CCSER1: variants seen among roughly 807,000 people sequenced by gnomAD.
CCSER1 encodes serine-rich coiled-coil domain-containing protein 1.
CCSER1 carries 41 observed loss-of-function variants against 82.0 expected under a neutral mutation model. The observed-to-expected ratio is 0.50, with a 90% CI of 0.39 to 0.65. The LOEUF (loss-of-function observed/expected upper bound fraction) is 0.65, where lower values mean the gene tolerates loss of function less well. Among genes scored for constraint, CCSER1 ranks in the 30% least tolerant of loss-of-function variants. The probability of loss-of-function intolerance (pLI) is 0.00; values close to 1 mark genes in which losing one functional copy is unlikely to be tolerated. For synonymous variants in CCSER1, 414 were observed against 383.9 expected, an observed-to-expected ratio of 1.08 and a Z score of -0.92; for missense variants, 1,119 against 1,064.2, an observed-to-expected ratio of 1.05 and a Z score of -0.72.
chr4:90,496,971 C>CAAAAAA (rs771281710), intron 5 of CCSER1, among the ~76,000 whole-genome samples: 429 of 54,374 alleles, frequency 7.9e-3, no homozygotes, highest in Non-Finnish European at 9.9e-3. Flanking sequence ...AGCGAGACTA[C>CAAAAAA]AAAAAAAAAA....
intron 7 of CCSER1, chr4:90,727,380 G>T (rs1301913317): frequency 4.6e-6 from 2 of 439,060 alleles, no homozygotes; most frequent in Non-Finnish European, 4.6e-6. Flanking sequence ...TCTGATAAAA[G>T]ACAGTGGATT....
At chr4:90,852,830 A>G (rs1561250314) in intron 8 of CCSER1, among the ~76,000 whole-genome samples, 2 of 152,318 alleles carry the variant, frequency 1.3e-5, no homozygotes, top group South Asian at 2.1e-4. Flanking sequence ...AGAAACATAT[A>G]AAAGTTTTTG....
chr4:91,256,586 C>T (rs906726932), intron 10 of CCSER1, among the ~76,000 whole-genome samples: 8 of 152,084 alleles, frequency 5.3e-5, no homozygotes, highest in Non-Finnish European at 1.2e-4. Context: ...CTTTTTTAGT[C>T]TTTCCCTTTA....
At chr4:90,452,667 G>T (rs1761619019) in intron 4 of CCSER1, among the ~76,000 whole-genome samples, 2 of 152,194 alleles carry the variant, frequency 1.3e-5, no homozygotes, top group African/African-American at 4.8e-5. Context: ...AAGTCTAAGG[G>T]CTGGTACCTC....
At chr4:91,032,504 G>A (rs1410611921) in intron 9 of CCSER1, among the ~76,000 whole-genome samples, 3 of 152,160 alleles carry the variant, frequency 2.0e-5, no homozygotes, top group African/African-American at 4.8e-5. Flanking sequence ...TCCTGACTTT[G>A]AAAAGCAAGA....
intron 6 of CCSER1, among the ~76,000 whole-genome samples, chr4:90,650,218 AAAACAAAC>A (rs10593067): frequency 4.6e-5 from 7 of 151,672 alleles, no homozygotes; most frequent in South Asian, 2.1e-4. Context: ...CTCCGTCTCA[AAAACAAAC>A]AAACAAACAA....
chr4:91,378,238 T>C (rs1384855428), intron 10 of CCSER1, among the ~76,000 whole-genome samples: 1 of 152,190 alleles, frequency 6.6e-6, no homozygotes, highest in Non-Finnish European at 1.5e-5. Context: ...TGCAGGCTCT[T>C]TTGTGGTTCC....
chr4:91,473,973 G>A (rs922953987), intron 10 of CCSER1, among the ~76,000 whole-genome samples: 7 of 151,944 alleles, frequency 4.6e-5, no homozygotes, highest in African/African-American at 1.4e-4. Context: ...ATCATTTTTC[G>A]AGAATATAAT....
At chr4:91,158,030 G>C (rs1730991420) in intron 10 of CCSER1, among the ~76,000 whole-genome samples, 1 of 151,910 alleles carries the variant, frequency 6.6e-6, no homozygotes, top group Non-Finnish European at 1.5e-5. Context: ...AAAACAAAAT[G>C]TTGATTCTGA....
intron 10 of CCSER1, among the ~76,000 whole-genome samples, chr4:91,505,613 C>T (rs1578644966): frequency 1.3e-5 from 2 of 152,270 alleles, no homozygotes; most frequent in Non-Finnish European, 2.9e-5. Context: ...TTTGTTGTTT[C>T]ATAACTTTTT....
intron 9 of CCSER1, among the ~76,000 whole-genome samples, chr4:91,008,228 A>G (rs748029400): frequency 3.9e-5 from 6 of 152,102 alleles, no homozygotes; most frequent in African/African-American, 7.2e-5. Flanking sequence ...TTGGAATTCT[A>G]TTAGGTTCAT....
intron 1 of CCSER1, among the ~76,000 whole-genome samples, chr4:90,149,861 T>C (rs1221554199): frequency 6.6e-6 from 1 of 152,144 alleles, no homozygotes; most frequent in African/African-American, 2.4e-5. Context: ...AAGTCTGCAT[T>C]GTATGTAAAA....
chr4:90,301,668 C>T (rs996157593), intron 1 of CCSER1, among the ~76,000 whole-genome samples: 1 of 152,002 alleles, frequency 6.6e-6, no homozygotes, highest in Non-Finnish European at 1.5e-5. Context: ...AGGTCTAGTT[C>T]AACCTTCATA....
At chr4:90,844,554 AT>A (rs1762967191) in intron 8 of CCSER1, among the ~76,000 whole-genome samples, 1 of 151,816 alleles carries the variant, frequency 6.6e-6, no homozygotes, top group Non-Finnish European at 1.5e-5. Context: ...CCCCCAATTA[AT>A]TTTACATATG....
At chr4:90,460,948 C>T (rs556107215) in intron 4 of CCSER1, among the ~76,000 whole-genome samples, 2 of 151,836 alleles carry the variant, frequency 1.3e-5, no homozygotes, top group South Asian at 2.1e-4. Flanking sequence ...TACACTGCTA[C>T]TTCAAATAAT....
At chr4:91,462,492 G>A (rs1394303599) in intron 10 of CCSER1, among the ~76,000 whole-genome samples, 2 of 152,066 alleles carry the variant, frequency 1.3e-5, no homozygotes, top group Admixed American at 6.6e-5. Context: ...ATCTCACTGG[G>A]GTTTGTTGGA....
chr4:91,456,215 A>G (rs551877994), intron 10 of CCSER1, among the ~76,000 whole-genome samples: 1 of 151,848 alleles, frequency 6.6e-6, no homozygotes, highest in Non-Finnish European at 1.5e-5. Flanking sequence ...ACAGATAACT[A>G]TTTCTTGGGC....
intron 8 of CCSER1, among the ~76,000 whole-genome samples, chr4:90,906,647 G>T (rs1725517140): frequency 6.6e-6 from 1 of 152,052 alleles, no homozygotes; most frequent in African/African-American, 2.4e-5. Flanking sequence ...TAGTGATTAA[G>T]TGGGCAGGGT....
At chr4:91,555,896 G>A (rs1191559475) in intron 10 of CCSER1, among the ~76,000 whole-genome samples, 3 of 151,066 alleles carry the variant, frequency 2.0e-5, no homozygotes, top group Non-Finnish European at 4.4e-5. Context: ...TAATTGTACA[G>A]GTAAAGAAAT....
Sources: allele counts gnomAD v4.1 joint callset (sites outside exome capture counted in the v4.1 genomes callset), GRCh38; gene constraint gnomAD v4.1.1; transcripts MANE v1.5; gene names NCBI Gene and HGNC (gene_info 2026-07-23, HGNC 2026-07-21).